VWA3B: variants seen among roughly 807,000 people sequenced by gnomAD.
The protein encoded by VWA3B is von Willebrand factor A domain containing 3B.
Under a neutral mutation model 158.3 loss-of-function variants are expected in VWA3B, and 138 were observed. The observed-to-expected ratio is 0.87, with a 90% CI of 0.76 to 1.00. The LOEUF (loss-of-function observed/expected upper bound fraction) is 1.00, where lower values mean the gene tolerates loss of function less well. Among genes scored for constraint, VWA3B ranks in the 50% least tolerant of loss-of-function variants. The pLI, the probability that VWA3B is intolerant of heterozygous loss-of-function variation, is 0.00. For synonymous variants in VWA3B, 596 were observed against 587.3 expected (o/e 1.01, Z -0.21); for missense variants, 1,555 against 1,565.1 (o/e 0.99, Z 0.11).
chr2:98,254,467 T>G (rs1275723557), intron 20 of VWA3B, among the ~76,000 whole-genome samples: 1 of 152,188 alleles, frequency 6.6e-6, no homozygotes, highest in Non-Finnish European at 1.5e-5. Flanking sequence ...TTAACAAATC[T>G]TGGAAGCCTT....
chr2:98,128,146 A>G (rs1484286785), intron 5 of VWA3B, 93 bp from the exon 6 acceptor site: 3 of 1,457,590 alleles, frequency 2.1e-6, no homozygotes, highest in Non-Finnish European at 2.8e-6. Context: ...ATTTTTTCTA[A>G]GAGATCGTTT....
chr2:98,330,059 A>G, the VWA3B span, among the ~76,000 whole-genome samples: 1 of 152,224 alleles, frequency 6.6e-6, no homozygotes, highest in Non-Finnish European at 1.5e-5. Flanking sequence ...CAGAAACATC[A>G]CATACCCTAC....
chr2:98,159,042 G>T (rs1678350760), intron 7 of VWA3B, among the ~76,000 whole-genome samples: 3 of 152,162 alleles, frequency 2.0e-5, no homozygotes, highest in Admixed American at 2.0e-4. Flanking sequence ...TGGAAGATTG[G>T]ACAGGGAAAT....
intron 8 of VWA3B, among the ~76,000 whole-genome samples, chr2:98,170,319 C>CTT (rs1679475923): frequency 6.6e-6 from 1 of 152,156 alleles, no homozygotes; most frequent in African/African-American, 2.4e-5. Flanking sequence ...TAATCATGAA[C>CTT]AAAGACAGTC....
At chr2:98,154,040 T>C (rs993417282) in intron 7 of VWA3B, among the ~76,000 whole-genome samples, 1 of 152,200 alleles carries the variant, frequency 6.6e-6, no homozygotes, top group Admixed American at 6.5e-5. Flanking sequence ...TTTTGTATTT[T>C]TAGTAGAGAC....
chr2:98,184,650 C>G (rs899204417), intron 9 of VWA3B, among the ~76,000 whole-genome samples: 21 of 152,262 alleles, frequency 1.4e-4, no homozygotes, highest in African/African-American at 9.6e-5. Context: ...GGCGCATCAT[C>G]AGCAAACCCT....
At position 98,098,517 on chromosome 2, in the gene VWA3B, A is replaced by G. The variant is rs143882918; in HGVS notation, c.196+5229A>G. Among the ~76,000 whole-genome samples, 721 of 152,222 alleles carry G rather than the reference A, an allele frequency of 4.7e-3. 6 individuals are homozygous for G. Among genetic ancestry groups the G allele is most frequent in the African/African-American group, 0.017 (696 of 41,560 alleles). On this transcript the variant is annotated intron_variant, in intron 2 of 27. Coordinates refer to ENST00000477737, the MANE Select transcript of VWA3B (RefSeq NM_144992.5). ...TGACTTAAAATATATTTTATCTGAC[A>G]TAAACATAGCTACCCCTGTTCTCCT...
intron 12 of VWA3B, among the ~76,000 whole-genome samples, chr2:98,208,698 G>A (rs1242190893): frequency 6.6e-6 from 1 of 151,654 alleles, no homozygotes; most frequent in Non-Finnish European, 1.5e-5. Context: ...ATATATAATT[G>A]TCTGAAGTAT....
intron 13 of VWA3B, among the ~76,000 whole-genome samples, chr2:98,214,784 G>T (rs1054079229): frequency 1.3e-5 from 2 of 152,266 alleles, no homozygotes; most frequent in East Asian, 3.9e-4. Flanking sequence ...CAGTCGGATT[G>T]TTTTTGAGCT....
intron 8 of VWA3B, among the ~76,000 whole-genome samples, chr2:98,163,911 A>T (rs1678855946): frequency 6.6e-6 from 1 of 152,222 alleles, no homozygotes. Flanking sequence ...GGCGATGCAG[A>T]GATGAGCATA....
chr2:98,305,482 G>T (rs970844610), intron 26 of VWA3B, among the ~76,000 whole-genome samples: 2 of 152,128 alleles, frequency 1.3e-5, no homozygotes, highest in African/African-American at 4.8e-5. Flanking sequence ...GATTGGGGAC[G>T]GTCATTGTCT....
intron 2 of VWA3B, among the ~76,000 whole-genome samples, chr2:98,109,014 CAG>C (rs1222575802): frequency 2.3e-5 from 3 of 130,322 alleles, no homozygotes; most frequent in Non-Finnish European, 4.8e-5. Context: ...TTTTTTGAGA[CAG>C]AGTTTTGCTC....
chr2:98,129,224 AGTGTGTGTGTGTGTGTGT>A (rs1228441504), intron 6 of VWA3B, among the ~76,000 whole-genome samples: 1 of 124,562 alleles, frequency 8.0e-6, no homozygotes, highest in Non-Finnish European at 1.7e-5. Context: ...AGAGAGAGAG[AGTGTGTGTGTGTGTGTGT>A]GTGTGTGTGT....
chr2:98,322,946 A>G, the VWA3B span, among the ~76,000 whole-genome samples: 1 of 152,140 alleles, frequency 6.6e-6, no homozygotes, highest in Non-Finnish European at 1.5e-5. Context: ...GCCTACTAGA[A>G]TTGAAAATAA....
intron 20 of VWA3B, among the ~76,000 whole-genome samples, chr2:98,255,278 C>G (rs1206609590): frequency 6.7e-6 from 1 of 149,148 alleles, no homozygotes; most frequent in Non-Finnish European, 1.5e-5. Flanking sequence ...GTGATCCGCC[C>G]GCCTCGGCCT....
rs544387844 is a variant in VWA3B at position 98,097,826 on chromosome 2, C to A, written c.196+4538C>A. Among the ~76,000 whole-genome samples the A allele has an allele frequency of 2.0e-5, 3 of 152,070 alleles. No individual in the cohort carries two copies. The South Asian group carries it at 6.2e-4, about 31-fold the overall frequency. On this transcript the variant is annotated intron_variant, in intron 2 of 27. Coordinates refer to ENST00000477737, the MANE Select transcript of VWA3B (RefSeq NM_144992.5). ...TGGCTGGGGTAAGGTGGTGTATCAT[C>A]CTGATTTTAATTTGCATTTCTCCAG... is the stretch of plus-strand genomic sequence containing the variant.
intron 8 of VWA3B, among the ~76,000 whole-genome samples, chr2:98,171,136 T>G (rs1679549055): frequency 1.3e-5 from 2 of 152,272 alleles, no homozygotes; most frequent in African/African-American, 2.4e-5. Context: ...CACTCGTCTA[T>G]TCTTTCCTTT....
chr2:98,217,621 G>T (rs933393045), intron 13 of VWA3B, among the ~76,000 whole-genome samples: 2 of 152,144 alleles, frequency 1.3e-5, no homozygotes, highest in Non-Finnish European at 2.9e-5. Flanking sequence ...CCAACTGAGA[G>T]ACCTCAGAGC....
At chr2:98,143,199 C>T (rs1303180933) in intron 7 of VWA3B, among the ~76,000 whole-genome samples, 7 of 152,096 alleles carry the variant, frequency 4.6e-5, no homozygotes, top group African/African-American at 1.7e-4. Context: ...GCCATCACGC[C>T]AGGCTAACTT....
Sources: allele counts gnomAD v4.1 joint callset (sites outside exome capture counted in the v4.1 genomes callset), GRCh38; gene constraint gnomAD v4.1.1; transcripts MANE v1.5; gene names NCBI Gene and HGNC (gene_info 2026-07-23, HGNC 2026-07-21).